USH2A: variants seen among roughly 807,000 people sequenced by gnomAD.
The protein encoded by USH2A is Usher syndrome 2A (autosomal recessive, mild).
A neutral mutation model predicts 538.9 loss-of-function variants in USH2A; 443 were observed. That is an observed-to-expected ratio of 0.82 (90% CI 0.76 to 0.89). The LOEUF is 0.89. USH2A is among the 40% of genes least tolerant of loss of function. The pLI, the probability that USH2A is intolerant of heterozygous loss-of-function variation, is 0.00. For missense variants in USH2A, 6,633 were observed against 6,324.8 expected (o/e 1.05, Z -1.65); for synonymous variants, 2,413 against 2,273.5 (o/e 1.06, Z -1.75).
At chr1:216,322,088 AT>A in intron 8 of USH2A, 112 bp from the exon 9 acceptor site, 1 of 984,318 alleles carries the variant, frequency 1.0e-6, no homozygotes, top group South Asian at 1.3e-5. Flanking sequence ...ATTTTTGTAT[AT>A]TTAATTGATA....
chr1:215,826,419 T>A (rs1281966962), intron 47 of USH2A, among the ~76,000 whole-genome samples: 1 of 152,038 alleles, frequency 6.6e-6, no homozygotes. Flanking sequence ...TGTCAAACAG[T>A]GATGGCAGTG....
intron 15 of USH2A, among the ~76,000 whole-genome samples, chr1:216,212,312 A>G (rs2035257719): frequency 6.6e-6 from 1 of 152,202 alleles, no homozygotes; most frequent in Non-Finnish European, 1.5e-5. Flanking sequence ...TGAAATTTTC[A>G]TAAGCCAGAA....
At chr1:215,848,200 C>T (rs1488494738) in intron 44 of USH2A, among the ~76,000 whole-genome samples, 2 of 152,148 alleles carry the variant, frequency 1.3e-5, no homozygotes, top group African/African-American at 4.8e-5. Flanking sequence ...TTTCTACTGT[C>T]TCACAGCATT....
chr1:215,742,013 T>A (rs1357287908), intron 59 of USH2A, among the ~76,000 whole-genome samples: 1 of 152,194 alleles, frequency 6.6e-6, no homozygotes, highest in East Asian at 1.9e-4. Flanking sequence ...CATTGCACAG[T>A]TTCAGGGACA....
chr1:215,862,028 C>G (rs554853726), intron 44 of USH2A, among the ~76,000 whole-genome samples: 1 of 151,758 alleles, frequency 6.6e-6, no homozygotes, highest in East Asian at 1.9e-4. Flanking sequence ...TTAGTAGAGA[C>G]GGAGTTTCAC....
At chr1:215,897,258 AT>A (rs1291255967) in intron 40 of USH2A, among the ~76,000 whole-genome samples, 1 of 152,172 alleles carries the variant, frequency 6.6e-6, no homozygotes, top group Non-Finnish European at 1.5e-5. Flanking sequence ...TTGGTGACCC[AT>A]TTTGGCACTG....
At chr1:215,666,817 C>T (rs922838242) in intron 64 of USH2A, among the ~76,000 whole-genome samples, 2 of 152,282 alleles carry the variant, frequency 1.3e-5, no homozygotes, top group African/African-American at 4.8e-5. Flanking sequence ...CTAGGCCAGG[C>T]GCGGTGGCTC....
At chr1:215,847,637 C>T (rs1186699003) in intron 44 of USH2A, among the ~76,000 whole-genome samples, 2 of 149,488 alleles carry the variant, frequency 1.3e-5, no homozygotes, top group Non-Finnish European at 3.0e-5. Context: ...AGAATGAGAC[C>T]ATGTCTCAGG....
chr1:216,209,267 C>T (rs772116758), intron 15 of USH2A, among the ~76,000 whole-genome samples: 4 of 152,190 alleles, frequency 2.6e-5, no homozygotes, highest in Non-Finnish European at 5.9e-5. Flanking sequence ...CTTGAGGCTG[C>T]TTCTACATGG....
intron 21 of USH2A, among the ~76,000 whole-genome samples, chr1:216,142,042 C>T (rs1485401087): frequency 6.6e-6 from 1 of 152,040 alleles, no homozygotes; most frequent in Non-Finnish European, 1.5e-5. Flanking sequence ...ACATTTCCCC[C>T]CAAGCAAAGT....
chr1:215,730,605 A>T (rs1417298900), intron 60 of USH2A, among the ~76,000 whole-genome samples: 3 of 152,260 alleles, frequency 2.0e-5, no homozygotes, highest in Admixed American at 6.5e-5. Flanking sequence ...GTAAAGGGTT[A>T]TTAAGACAAA....
At chr1:215,940,973 T>C (rs1666616995) in intron 37 of USH2A, among the ~76,000 whole-genome samples, 1 of 147,662 alleles carries the variant, frequency 6.8e-6, no homozygotes, top group Non-Finnish European at 1.5e-5. Context: ...TTTTGTTCTC[T>C]AGATCTTTTT....
chr1:216,204,248 C>T (rs952820762), intron 16 of USH2A: 1 of 152,246 alleles, frequency 6.6e-6, no homozygotes, highest in African/African-American at 2.4e-5. Flanking sequence ...TCCTATGACA[C>T]GTAAGATACC....
chr1:216,420,933 T>G (rs1186023446), intron 2 of USH2A, among the ~76,000 whole-genome samples: 1 of 152,166 alleles, frequency 6.6e-6, no homozygotes, highest in Non-Finnish European at 1.5e-5. Flanking sequence ...CTTTTCTGGT[T>G]TGTTTCACAA....
chr1:216,273,281 C>CTA (rs2036609186), intron 11 of USH2A, among the ~76,000 whole-genome samples: 1 of 152,024 alleles, frequency 6.6e-6, no homozygotes, highest in Non-Finnish European at 1.5e-5. Flanking sequence ...CCAGTGACTG[C>CTA]AAGAGTTCTG....
At chr1:216,018,993 T>A (rs1668782622) in intron 32 of USH2A, among the ~76,000 whole-genome samples, 2 of 152,212 alleles carry the variant, frequency 1.3e-5, no homozygotes, top group Admixed American at 1.3e-4. Flanking sequence ...ATTTATTAAA[T>A]AAGTATGCTA....
At chr1:216,374,083 T>C (rs1330523811) in intron 3 of USH2A, among the ~76,000 whole-genome samples, 2 of 114,204 alleles carry the variant, frequency 1.8e-5, no homozygotes, top group Non-Finnish European at 3.3e-5. Context: ...AAGGGGAACA[T>C]CACACACTGG....
chr1:216,211,525 T>C (rs1247004161), intron 15 of USH2A, among the ~76,000 whole-genome samples: 1 of 152,230 alleles, frequency 6.6e-6, no homozygotes, highest in Non-Finnish European at 1.5e-5. Context: ...TTCCATGTAC[T>C]ATGAATAGGC....
intron 21 of USH2A, among the ~76,000 whole-genome samples, chr1:216,170,350 TA>T (rs2034252346): frequency 6.6e-6 from 1 of 152,174 alleles, no homozygotes; most frequent in Admixed American, 6.6e-5. Context: ...TACAAAAATG[TA>T]TGACAATCAT....
Sources: gnomAD v4.1 joint callset for allele counts (sites outside exome capture counted in the v4.1 genomes callset) on GRCh38, gnomAD v4.1.1 for gene constraint, MANE v1.5 for transcripts, NCBI Gene and HGNC (gene_info 2026-07-23, HGNC 2026-07-21) for gene names.